Variants in GRAMD2B observed in about 807,000 individuals in gnomAD.
GRAMD2B encodes the protein GRAM domain containing 2B.
GRAMD2B carries 41 observed loss-of-function variants against 59.2 expected under a neutral mutation model. The observed-to-expected ratio is 0.69, with a 90% CI of 0.54 to 0.90. The LOEUF (loss-of-function observed/expected upper bound fraction) is 0.90. Ranked by LOEUF, GRAMD2B falls within the 40% of genes least tolerant of loss-of-function variation. The probability of loss-of-function intolerance (pLI) is 0.00; values close to 1 mark genes in which losing one functional copy is unlikely to be tolerated. For missense variants in GRAMD2B, 424 were observed against 500.5 expected (o/e 0.85, Z 1.46); for synonymous variants, 161 against 182.7 (o/e 0.88, Z 0.96).
intron 1 of GRAMD2B, among the ~76,000 whole-genome samples, chr5:126,459,522 A>G (rs1432445030): frequency 2.6e-5 from 4 of 152,270 alleles, no homozygotes; most frequent in African/African-American, 9.6e-5. Flanking sequence ...AAATGTTTCA[A>G]TCAACAACCC....
In GRAMD2B at chr5:126,480,695, A is replaced by G; in HGVS notation, c.723A>G (p.Ser241=). The part of the protein sequence containing the change: ...AENSFRADRP[S]SLPLDFNDEF... ...ACAGTTTCCGAGCAGACCGCCCTTCATCTCTGCCTCTGGTAAGTTGCCCAC... is the reference window on the plus strand; with the variant it reads ...ACAGTTTCCGAGCAGACCGCCCTTCGTCTCTGCCTCTGGTAAGTTGCCCAC... Residue 241 remains serine (S), a synonymous_variant, in exon 8 of 14, where the codon TCA becomes TCG. Coordinates refer to ENST00000285689, the MANE Select transcript of GRAMD2B (RefSeq NM_023927.4). 1 of 1,613,954 alleles carries G rather than the reference A, an allele frequency of 6.2e-7. No homozygotes were observed. The highest frequency in any genetic ancestry group is 2.2e-5 in the East Asian group (1 of 44,876).
At chr5:126,361,295 G>C (rs2149681555) in intron 1 of GRAMD2B, among the ~76,000 whole-genome samples, 1 of 152,192 alleles carries the variant, frequency 6.6e-6, no homozygotes, top group South Asian at 2.1e-4. Context: ...CTGTCTGTGA[G>C]GCATGATGGG....
chr5:126,423,726 G>A, intron 1 of GRAMD2B, 37 bp downstream of exon 1: 6 of 1,567,818 alleles, frequency 3.8e-6, no homozygotes, highest in Non-Finnish European at 4.3e-6. Flanking sequence ...CAAGGAGGTG[G>A]GAGGAGCGCA....
intron 2 of GRAMD2B, chr5:126,466,206 G>C: frequency 6.5e-7 from 1 of 1,531,732 alleles, no homozygotes. Flanking sequence ...ACCATTATTA[G>C]AACTTTGAGA....
chr5:126,423,812 G>A (rs1158666666), intron 1 of GRAMD2B, 123 bp downstream of exon 1: 2 of 841,810 alleles, frequency 2.4e-6, no homozygotes, highest in Non-Finnish European at 3.6e-6. Context: ...CAATCTTGTG[G>A]CGCGCTCTCT....
chr5:126,381,398 G>T (rs1755644815), intron 1 of GRAMD2B, among the ~76,000 whole-genome samples: 1 of 151,994 alleles, frequency 6.6e-6, no homozygotes, highest in Admixed American at 6.6e-5. Context: ...TGGTACTGGG[G>T]TGGTATTTTC....
At chr5:126,488,021 G>A (rs1201147517) in intron 12 of GRAMD2B, among the ~76,000 whole-genome samples, 1 of 152,180 alleles carries the variant, frequency 6.6e-6, no homozygotes, top group East Asian at 1.9e-4. Flanking sequence ...GCAATGGTCT[G>A]AGCTCTATAC....
At chr5:126,400,377 TGTCACA>T (rs1757717610) in intron 1 of GRAMD2B, among the ~76,000 whole-genome samples, 1 of 152,170 alleles carries the variant, frequency 6.6e-6, no homozygotes, top group African/African-American at 2.4e-5. Flanking sequence ...ATGTTATTAA[TGTCACA>T]ATTTATATCT....
intron 1 of GRAMD2B, 193 bp from the exon 2 acceptor site, chr5:126,465,233 G>A: frequency 3.5e-6 from 5 of 1,430,310 alleles, no homozygotes; most frequent in South Asian, 1.5e-5. Context: ...GCGACCTGCA[G>A]CTACTGCCGT....
chr5:126,360,208 G>C, exon 1 of GRAMD2B: 2 of 1,127,988 alleles, frequency 1.8e-6, no homozygotes, highest in Non-Finnish European at 2.5e-6. Context: ...TTCTGAGATA[G>C]CACTTGTGAG....
Position 126,448,235 on chromosome 5 carries a change from AAAG to A in GRAMD2B, c.84-17183_84-17181del, listed in dbSNP as rs1426843882. ...GTCACAGGGTACTGGAAAGGAGCAC[AAAG>A]AAGAAGAGGTCAGTCCTTAGGACCT... On this transcript the variant is annotated intron_variant, in intron 1 of 13. Transcript: ENST00000285689. 2.0e-5 allele frequency among the ~76,000 whole-genome samples: 3 copies of A among 152,178 alleles called. No individual in the cohort carries two copies. In the East Asian group the frequency reaches 5.8e-4, roughly 29 times the overall value.
chr5:126,472,938 A>G (rs1378793140), intron 4 of GRAMD2B, among the ~76,000 whole-genome samples: 1 of 152,204 alleles, frequency 6.6e-6, no homozygotes, highest in African/African-American at 2.4e-5. Flanking sequence ...ACTGGGGAAA[A>G]GGGGAACAGG....
intron 5 of GRAMD2B, 72 bp from the exon 6 acceptor site, chr5:126,477,620 C>A: frequency 1.2e-6 from 1 of 852,476 alleles, no homozygotes; most frequent in South Asian, 1.4e-5. Flanking sequence ...TTTCTTTTTT[C>A]CTTAAATGTG....
chr5:126,409,406 T>C (rs1758559004), intron 1 of GRAMD2B, among the ~76,000 whole-genome samples: 1 of 152,222 alleles, frequency 6.6e-6, no homozygotes, highest in Admixed American at 6.5e-5. Flanking sequence ...GGTATCTCAC[T>C]GTGGTTTTGA....
At chr5:126,483,365 T>C (rs910117501) in intron 8 of GRAMD2B, 98 bp from the exon 9 acceptor site, 11 of 629,018 alleles carry the variant, frequency 1.7e-5, no homozygotes, top group Non-Finnish European at 2.8e-5. Flanking sequence ...ATTCTATGTT[T>C]TATAGGTCAG....
At chr5:126,483,132 A>C (rs1772203422) in intron 8 of GRAMD2B, among the ~76,000 whole-genome samples, 1 of 152,208 alleles carries the variant, frequency 6.6e-6, no homozygotes, top group Admixed American at 6.5e-5. Flanking sequence ...TGTCTGTAGT[A>C]ATCAGGTTTT....
intron 1 of GRAMD2B, among the ~76,000 whole-genome samples, chr5:126,448,314 A>C (rs1347803975): frequency 6.6e-6 from 1 of 152,090 alleles, no homozygotes; most frequent in Non-Finnish European, 1.5e-5. Flanking sequence ...TCAAGAGCTA[A>C]ATCTTGAAAG....
intron 1 of GRAMD2B, among the ~76,000 whole-genome samples, chr5:126,455,067 C>G (rs1766036269): frequency 1.3e-5 from 2 of 152,214 alleles, no homozygotes; most frequent in African/African-American, 4.8e-5. Flanking sequence ...GGATGTTCCT[C>G]TCCATTGCGT....
chr5:126,468,123 C>A (rs1190358493), intron 2 of GRAMD2B, among the ~76,000 whole-genome samples: 1 of 152,178 alleles, frequency 6.6e-6, no homozygotes. Flanking sequence ...AATCATAAAA[C>A]TTATTCATAT....
Sources: gnomAD v4.1 joint callset for allele counts (sites outside exome capture counted in the v4.1 genomes callset) on GRCh38, gnomAD v4.1.1 for gene constraint, MANE v1.5 for transcripts, NCBI Gene and HGNC (gene_info 2026-07-23, HGNC 2026-07-21) for gene names.